Variants in ARFGEF1 observed in about 807,000 individuals in gnomAD.
The protein encoded by ARFGEF1 is ARF guanine nucleotide exchange factor 1.
A neutral mutation model predicts 231.0 loss-of-function variants in ARFGEF1; 42 were observed. The observed-to-expected ratio is 0.18, with a 90% CI of 0.14 to 0.24. The LOEUF (loss-of-function observed/expected upper bound fraction) is 0.24, where lower values mean the gene tolerates loss of function less well. ARFGEF1 is among the 10% of genes least tolerant of loss of function. The probability of loss-of-function intolerance (pLI) is 1.00; values close to 1 mark genes in which losing one functional copy is unlikely to be tolerated. For synonymous variants in ARFGEF1, 710 were observed against 732.3 expected, an observed-to-expected ratio of 0.97 and a Z score of 0.49; for missense variants, 1,345 against 2,192.0, an observed-to-expected ratio of 0.61 and a Z score of 7.72.
At chr8:67,189,537 T>C (rs1294396948) in intron 5 of ARFGEF1, among the ~76,000 whole-genome samples, 1 of 152,258 alleles carries the variant, frequency 6.6e-6, no homozygotes, top group Non-Finnish European at 1.5e-5. Flanking sequence ...ATTCCTATTT[T>C]TAAAAACCCA....
intron 17 of ARFGEF1, among the ~76,000 whole-genome samples, chr8:67,257,102 G>A (rs1399434450): frequency 6.6e-6 from 1 of 151,770 alleles, no homozygotes. Context: ...TTTTGAGACG[G>A]GGTCTGCCCT....
intron 5 of ARFGEF1, among the ~76,000 whole-genome samples, chr8:67,178,232 G>A (rs1020057671): frequency 1.3e-5 from 2 of 152,186 alleles, no homozygotes; most frequent in African/African-American, 4.8e-5. Flanking sequence ...AGTAGTGGGA[G>A]TAGGAGTCTG....
chr8:67,253,638 C>T lies in ARFGEF1; in HGVS notation c.2527-16G>A. 1 of 1,317,124 alleles carries T rather than the reference C, an allele frequency of 7.6e-7. No individual in the cohort carries two copies. Among genetic ancestry groups the T allele is most frequent in the African/African-American group, 1.5e-5 (1 of 66,270 alleles). The allele number at this position is 1,317,124 out of a possible 1,614,324, so 81.6% of individuals were successfully genotyped here. On this transcript the variant is annotated splice_polypyrimidine_tract_variant and intron_variant, in intron 17 of 38. Transcript: ENST00000262215. ...TATTTTTCACCTAGATATGAAAAAC[C>T]ATTATAATTCCTAAAAATTAACATA...
Position 67,291,931 on chromosome 8 carries a change from C to T in ARFGEF1, c.832G>A (p.Asp278Asn). The T allele has an allele frequency of 1.2e-6, 2 of 1,613,928 alleles. No individual in the cohort carries two copies. Among genetic ancestry groups the T allele is most frequent in the Non-Finnish European group, 1.7e-6 (2 of 1,179,882 alleles). ...HTNDVDKSLQ[D>N]DTEPENGSDI... ...GATCCATTTTCAGGCTCTGTGTCAT[C>T]CTGAAGACTTTTATCTACATCATTT... Residue 278 changes from aspartate (D) to asparagine (N), a missense_variant, in exon 6 of 39, where the codon GAT (aspartate) becomes AAT (asparagine). Physicochemically the swap from Asp to Asn is conservative, Grantham distance 23. Coordinates refer to ENST00000262215, the MANE Select transcript of ARFGEF1 (RefSeq NM_006421.5).
At chr8:67,336,135 G>A (rs947049121) in intron 1 of ARFGEF1, among the ~76,000 whole-genome samples, 4 of 152,196 alleles carry the variant, frequency 2.6e-5, no homozygotes, top group Admixed American at 1.3e-4. Flanking sequence ...CTAAGTCTAA[G>A]CAAAACAAAA....
intron 19 of ARFGEF1, among the ~76,000 whole-genome samples, chr8:67,249,944 A>C (rs1335768090): frequency 1.3e-5 from 2 of 152,226 alleles, no homozygotes; most frequent in Admixed American, 1.3e-4. Flanking sequence ...TTTAAACTGG[A>C]AACTACTCAG....
At chr8:67,308,804 A>G (rs1806863841) in intron 1 of ARFGEF1, among the ~76,000 whole-genome samples, 2 of 152,142 alleles carry the variant, frequency 1.3e-5, no homozygotes, top group Admixed American at 1.3e-4. Flanking sequence ...TTAATTGTAT[A>G]TATTATATAT....
intron 31 of ARFGEF1, 27 bp downstream of exon 31, chr8:67,217,976 T>A: frequency 6.2e-7 from 1 of 1,611,934 alleles, no homozygotes; most frequent in African/African-American, 1.3e-5. Context: ...TTTAACACTT[T>A]GTGTCACATA....
At chr8:67,301,132 T>C (rs1806469296) in intron 3 of ARFGEF1, 92 bp downstream of exon 3, 4 of 1,255,186 alleles carry the variant, frequency 3.2e-6, no homozygotes, top group Middle Eastern at 2.0e-4. Context: ...TATTCAAAGC[T>C]TTCATGGAAA....
At chr8:67,296,141 G>T (rs1806222638) in intron 5 of ARFGEF1, among the ~76,000 whole-genome samples, 3 of 152,150 alleles carry the variant, frequency 2.0e-5, no homozygotes, top group Admixed American at 1.3e-4. Flanking sequence ...TACTAAGTTT[G>T]AATGCAATAA....
At chr8:67,247,403 G>T (rs895726759) in intron 19 of ARFGEF1, among the ~76,000 whole-genome samples, 1 of 150,264 alleles carries the variant, frequency 6.7e-6, no homozygotes, top group Admixed American at 6.6e-5. Context: ...TGACCAAGTG[G>T]GATTTATCCC....
chr8:67,289,282 G>C (rs1366492836), intron 6 of ARFGEF1, among the ~76,000 whole-genome samples: 1 of 151,906 alleles, frequency 6.6e-6, no homozygotes, highest in Non-Finnish European at 1.5e-5. Context: ...GCTGAGCACA[G>C]GGGGGGTCAC....
intron 6 of ARFGEF1, among the ~76,000 whole-genome samples, chr8:67,290,702 C>G (rs892107120): frequency 3.9e-5 from 6 of 151,980 alleles, no homozygotes; most frequent in Non-Finnish European, 8.8e-5. Context: ...AGAGATTAGC[C>G]CTTTGAATCT....
Position 67,236,360 on chromosome 8 carries a change from AAAAAAATATATATATATATAT to A in ARFGEF1, c.3289+1962_3289+1982del, listed in dbSNP as rs1268511809. Among the ~76,000 whole-genome samples the A allele has an allele frequency of 3.0e-3, 132 of 43,286 alleles. 5 individuals carry two copies. The highest frequency in any genetic ancestry group is 9.3e-3 in the African/African-American group (85 of 9,122). The allele number at this position is 43,286 out of a possible 152,430, so 28.4% of individuals were successfully genotyped here. A position where few individuals can be genotyped will look rare whatever the true frequency, so the allele number is the denominator to read the frequency against. On this transcript the variant is annotated intron_variant, in intron 22 of 38. Transcript: ENST00000262215. Reference sequence around the variant, plus strand: ...AAAAAGATATTAGTTAAAAAAAAAAAAAAAAATATATATATATATATATATATATATATATATATATATATA... The same window carrying A: ...AAAAAGATATTAGTTAAAAAAAAAAAATATATATATATATATATATATATA...
intron 35 of ARFGEF1, among the ~76,000 whole-genome samples, chr8:67,203,456 G>C (rs1263816028): frequency 6.6e-6 from 1 of 152,120 alleles, no homozygotes; most frequent in African/African-American, 2.4e-5. Flanking sequence ...AGACCCTCCT[G>C]GACTCCCAAC....
At chr8:67,282,365 C>A (rs1296580852) in intron 7 of ARFGEF1, among the ~76,000 whole-genome samples, 1 of 151,726 alleles carries the variant, frequency 6.6e-6, no homozygotes, top group Non-Finnish European at 1.5e-5. Context: ...TCACACCACA[C>A]AGAAAAATAA....
intron 3 of ARFGEF1, among the ~76,000 whole-genome samples, chr8:67,300,960 A>T (rs1806459777): frequency 6.6e-6 from 1 of 152,190 alleles, no homozygotes. Flanking sequence ...CACTGATGAG[A>T]AGAGACCAAA....
chr8:67,194,385 T>A (rs1270189816), downstream of ARFGEF1, among the ~76,000 whole-genome samples: 1 of 152,186 alleles, frequency 6.6e-6, no homozygotes, highest in Non-Finnish European at 1.5e-5. Flanking sequence ...ACTATCTATC[T>A]AGCAGTCAAG....
chr8:67,283,777 A>G (rs760139124), intron 7 of ARFGEF1, among the ~76,000 whole-genome samples: 1 of 152,166 alleles, frequency 6.6e-6, no homozygotes, highest in Non-Finnish European at 1.5e-5. Context: ...GCACATTAAA[A>G]CCAAACTGAG....
Sources: gnomAD v4.1 joint callset for allele counts (sites outside exome capture counted in the v4.1 genomes callset) on GRCh38, gnomAD v4.1.1 for gene constraint, MANE v1.5 for transcripts, NCBI Gene and HGNC (gene_info 2026-07-23, HGNC 2026-07-21) for gene names.